FAM184A: variants seen among roughly 807,000 people sequenced by gnomAD.
FAM184A encodes the protein family with sequence similarity 184 member A.
FAM184A carries 99 observed loss-of-function variants against 143.8 expected under a neutral mutation model. The ratio of observed to expected loss-of-function variants is 0.69; its 90% CI spans 0.58 to 0.81. The LOEUF (loss-of-function observed/expected upper bound fraction) is 0.81, where lower values mean the gene tolerates loss of function less well. Among genes scored for constraint, FAM184A ranks in the 40% least tolerant of loss-of-function variants. The pLI is 0.00. For missense variants in FAM184A, 1,217 were observed against 1,310.5 expected, an observed-to-expected ratio of 0.93 and a Z score of 1.10; for synonymous variants, 427 against 446.4, an observed-to-expected ratio of 0.96 and a Z score of 0.55.
At chr6:119,031,606 G>A (rs998750897) in intron 1 of FAM184A, 2 of 152,162 alleles carry the variant, frequency 1.3e-5, no homozygotes, top group African/African-American at 4.8e-5. Flanking sequence ...ATGTAAATAC[G>A]TTCCCATTAA....
intron 15 of FAM184A, 64 bp downstream of exon 15, chr6:118,966,771 C>T (rs1393431159): frequency 4.2e-6 from 3 of 710,698 alleles, no homozygotes; most frequent in South Asian, 1.9e-5. Context: ...AAGATTGTCC[C>T]ATATTTTCCC....
At chr6:119,009,017 G>C (rs1785011325) in intron 6 of FAM184A, among the ~76,000 whole-genome samples, 1 of 152,114 alleles carries the variant, frequency 6.6e-6, no homozygotes, top group African/African-American at 2.4e-5. Flanking sequence ...ATTGAGTTCT[G>C]AAAGCACACT....
intron 9 of FAM184A, among the ~76,000 whole-genome samples, chr6:118,992,752 C>A (rs1784417477): frequency 6.6e-6 from 1 of 152,030 alleles, no homozygotes; most frequent in African/African-American, 2.4e-5. Context: ...TAAAGTAAGA[C>A]CCTGTTGCTA....
chr6:119,068,735 T>C (rs563143788), intron 1 of FAM184A, among the ~76,000 whole-genome samples: 13 of 152,230 alleles, frequency 8.5e-5, no homozygotes, highest in Middle Eastern at 3.4e-3. Context: ...CTCCGGGGTT[T>C]CCAAGACTGA....
intron 9 of FAM184A, among the ~76,000 whole-genome samples, chr6:118,985,750 A>G (rs866034187): frequency 2.7e-4 from 41 of 152,174 alleles, no homozygotes; most frequent in African/African-American, 9.2e-4. Context: ...ATCTAATTCT[A>G]AAGTATTAAC....
At chr6:118,990,029 A>C (rs1042792668) in intron 9 of FAM184A, among the ~76,000 whole-genome samples, 17 of 152,154 alleles carry the variant, frequency 1.1e-4, no homozygotes, top group East Asian at 9.7e-4. Context: ...GGGTTTCACC[A>C]TGTTGGCCAG....
At chr6:119,062,758 C>A (rs575824404) in intron 1 of FAM184A, among the ~76,000 whole-genome samples, 1 of 152,304 alleles carries the variant, frequency 6.6e-6, no homozygotes, top group East Asian at 1.9e-4. Flanking sequence ...ACTCAGAATG[C>A]TCTGAGTTGG....
intron 1 of FAM184A, among the ~76,000 whole-genome samples, chr6:119,046,518 T>A (rs923552058): frequency 6.6e-6 from 1 of 151,978 alleles, no homozygotes; most frequent in Non-Finnish European, 1.5e-5. Flanking sequence ...TACACCAAGT[T>A]GATCTTCAAA....
At chr6:119,096,221 T>A (rs1047789131) in intron 1 of FAM184A, among the ~76,000 whole-genome samples, 2 of 152,232 alleles carry the variant, frequency 1.3e-5, no homozygotes, top group African/African-American at 4.8e-5. Context: ...TCATCTCTCA[T>A]GACACTTGTT....
At chr6:119,046,664 A>T (rs1055139916) in intron 1 of FAM184A, among the ~76,000 whole-genome samples, 2 of 152,210 alleles carry the variant, frequency 1.3e-5, no homozygotes, top group African/African-American at 4.8e-5. Context: ...TATCAAGTAA[A>T]GTCAATTATG....
chr6:119,055,387 G>T (rs899852934), intron 1 of FAM184A, among the ~76,000 whole-genome samples: 1 of 152,154 alleles, frequency 6.6e-6, no homozygotes, highest in African/African-American at 2.4e-5. Flanking sequence ...GTGGATGTAT[G>T]TTTTTAATTT....
chr6:119,143,001 G>A (rs576319435), intron 1 of FAM184A, among the ~76,000 whole-genome samples: 1 of 152,264 alleles, frequency 6.6e-6, no homozygotes, highest in Non-Finnish European at 1.5e-5. Context: ...GGGTTTCTGG[G>A]AATCACCAGA....
At chr6:119,137,820 C>A (rs1300074644) in intron 1 of FAM184A, among the ~76,000 whole-genome samples, 2 of 152,180 alleles carry the variant, frequency 1.3e-5, no homozygotes, top group African/African-American at 4.8e-5. Context: ...ACGTGCCAGG[C>A]TGGCTTGTTT....
chr6:119,016,333 A>C (rs1221106043), intron 5 of FAM184A, among the ~76,000 whole-genome samples: 3 of 152,220 alleles, frequency 2.0e-5, no homozygotes, highest in Admixed American at 6.5e-5. Flanking sequence ...ACTCTTTGCA[A>C]TAAATCTTGC....
At chr6:119,126,976 A>G (rs1789383529) in intron 1 of FAM184A, among the ~76,000 whole-genome samples, 1 of 152,152 alleles carries the variant, frequency 6.6e-6, no homozygotes, top group African/African-American at 2.4e-5. Context: ...CCCGATGTCC[A>G]GCTGTTTCTT....
intron 1 of FAM184A, among the ~76,000 whole-genome samples, chr6:119,108,410 G>A (rs1788844685): frequency 6.6e-6 from 1 of 152,168 alleles, no homozygotes; most frequent in South Asian, 2.1e-4. Flanking sequence ...CTCTATTGAG[G>A]TCCTCTGCAC....
chr6:119,003,194 T>C, intron 8 of FAM184A, 145 bp from the exon 9 acceptor site: 1 of 754,510 alleles, frequency 1.3e-6, no homozygotes, highest in Non-Finnish European at 2.0e-6. Flanking sequence ...ACTTAAGGGC[T>C]GTAAAGTAAA....
intron 1 of FAM184A, among the ~76,000 whole-genome samples, chr6:119,084,093 A>AG (rs1554195094): frequency 6.6e-6 from 1 of 151,522 alleles, no homozygotes; most frequent in East Asian, 2.0e-4. Flanking sequence ...GAGAGAGAGA[A>AG]AGAGAGAGAG....
At position 119,024,128 on chromosome 6, in the gene FAM184A, T is replaced by G; in HGVS notation, c.845A>C (p.Glu282Ala). The change falls in exon 2 of 18, where the codon GAA becomes GCA. Residue 282 changes from glutamate to alanine, a missense_variant. By Grantham distance (107) the Glu-to-Ala change is moderately radical. Coordinates refer to ENST00000338891, the MANE Select transcript of FAM184A (RefSeq NM_024581.6). Reference sequence around the variant, plus strand: ...TTCTTTTCTAAGATCAGCTTCCTTTTCTTTGCTGGCCTGTAGGCTTTCTGC... The same window carrying G: ...TTCTTTTCTAAGATCAGCTTCCTTTGCTTTGCTGGCCTGTAGGCTTTCTGC... ...FTAESLQASK[E>A]KEADLRKEFQ... The G allele has an allele frequency of 6.2e-7, 1 of 1,614,134 alleles. No homozygotes were observed. The highest frequency in any genetic ancestry group is 8.5e-7 in the Non-Finnish European group (1 of 1,180,034).
Sources: gnomAD v4.1 joint callset for allele counts (sites outside exome capture counted in the v4.1 genomes callset) on GRCh38, gnomAD v4.1.1 for gene constraint, MANE v1.5 for transcripts, NCBI Gene and HGNC (gene_info 2026-07-23, HGNC 2026-07-21) for gene names.